CTNND2: variants seen among roughly 807,000 people sequenced by gnomAD.
CTNND2 encodes the protein catenin delta 2, also known as catenin delta-2.
In CTNND2, 22 loss-of-function variants were observed where a neutral mutation model predicts 144.4. That is an observed-to-expected ratio of 0.15 (90% CI 0.11 to 0.22). The LOEUF (loss-of-function observed/expected upper bound fraction) is 0.22, where lower values mean the gene tolerates loss of function less well. Among genes scored for constraint, CTNND2 ranks in the 10% least tolerant of loss-of-function variants. The probability of loss-of-function intolerance (pLI) is 1.00; values close to 1 mark genes in which losing one functional copy is unlikely to be tolerated. For missense variants in CTNND2, 1,353 were observed against 1,618.8 expected, an observed-to-expected ratio of 0.84 and a Z score of 2.82; for synonymous variants, 751 against 695.6, an observed-to-expected ratio of 1.08 and a Z score of -1.25.
intron 9 of CTNND2, among the ~76,000 whole-genome samples, chr5:11,246,905 G>A (rs1743061012): frequency 6.6e-6 from 1 of 152,142 alleles, no homozygotes. Flanking sequence ...GTGAAGAGAA[G>A]TGAGTCCCGG....
At chr5:11,676,974 T>C (rs1177401991) in intron 2 of CTNND2, among the ~76,000 whole-genome samples, 1 of 152,218 alleles carries the variant, frequency 6.6e-6, no homozygotes, top group Non-Finnish European at 1.5e-5. Flanking sequence ...CAAAACTTGG[T>C]CCTCAATTAG....
At chr5:11,764,448 A>C (rs1457007160) in intron 1 of CTNND2, among the ~76,000 whole-genome samples, 1 of 152,178 alleles carries the variant, frequency 6.6e-6, no homozygotes, top group Non-Finnish European at 1.5e-5. Context: ...TGGGATCAAA[A>C]AGCAAAAAAA....
At chr5:11,257,227 T>C (rs1421528127) in intron 9 of CTNND2, among the ~76,000 whole-genome samples, 1 of 152,152 alleles carries the variant, frequency 6.6e-6, no homozygotes, top group Non-Finnish European at 1.5e-5. Context: ...AAAGAAAGAA[T>C]GGGAAAGGGT....
chr5:11,447,585 G>C (rs900654186), intron 3 of CTNND2, among the ~76,000 whole-genome samples: 2 of 152,166 alleles, frequency 1.3e-5, no homozygotes, highest in African/African-American at 4.8e-5. Flanking sequence ...CAATGTCAGA[G>C]ATGGCCCTGG....
chr5:11,128,338 C>T (rs1233239224), intron 12 of CTNND2, among the ~76,000 whole-genome samples: 1 of 152,114 alleles, frequency 6.6e-6, no homozygotes, highest in Non-Finnish European at 1.5e-5. Context: ...CCATAAGGAA[C>T]AAGGTTCTGC....
chr5:11,651,572 G>A (rs1561658842), intron 2 of CTNND2, among the ~76,000 whole-genome samples: 1 of 152,216 alleles, frequency 6.6e-6, no homozygotes, highest in Admixed American at 6.5e-5. Flanking sequence ...TGTATGCCTT[G>A]AAAAGCCATA....
intron 7 of CTNND2, among the ~76,000 whole-genome samples, chr5:11,379,913 C>T (rs1490199340): frequency 6.6e-6 from 1 of 152,182 alleles, no homozygotes; most frequent in Admixed American, 6.5e-5. Context: ...CTCACCACCC[C>T]TACCACTCTG....
At chr5:11,250,236 T>C (rs1236749284) in intron 9 of CTNND2, among the ~76,000 whole-genome samples, 2 of 152,104 alleles carry the variant, frequency 1.3e-5, no homozygotes, top group Non-Finnish European at 2.9e-5. Context: ...TGATTCTGTA[T>C]CTGTACAACT....
intron 13 of CTNND2, among the ~76,000 whole-genome samples, chr5:11,112,805 T>C (rs1468924843): frequency 6.6e-6 from 1 of 152,228 alleles, no homozygotes; most frequent in African/African-American, 2.4e-5. Context: ...TTAATCTTTC[T>C]GTACTTCTAT....
intron 9 of CTNND2, among the ~76,000 whole-genome samples, chr5:11,320,284 T>C (rs1009766035): frequency 6.6e-5 from 10 of 152,242 alleles, no homozygotes; most frequent in African/African-American, 2.4e-4. Flanking sequence ...TAAACATTAA[T>C]ATATTTCACT....
At chr5:11,691,088 A>G (rs1784886657) in intron 2 of CTNND2, among the ~76,000 whole-genome samples, 1 of 151,674 alleles carries the variant, frequency 6.6e-6, no homozygotes, top group Admixed American at 6.6e-5. Context: ...AAAAGAAATA[A>G]TGGCCGGGCG....
intron 9 of CTNND2, among the ~76,000 whole-genome samples, chr5:11,245,785 G>T (rs1742940169): frequency 6.6e-6 from 1 of 152,188 alleles, no homozygotes; most frequent in Non-Finnish European, 1.5e-5. Flanking sequence ...GCCCTTTTAA[G>T]CCTGGAAAGA....
intron 8 of CTNND2, among the ~76,000 whole-genome samples, chr5:11,354,551 A>T (rs192060198): frequency 6.6e-6 from 1 of 152,202 alleles, no homozygotes; most frequent in Non-Finnish European, 1.5e-5. Context: ...TTGTCTATAC[A>T]CTTGCAACAT....
intron 3 of CTNND2, among the ~76,000 whole-genome samples, chr5:11,442,448 C>T (rs1279542510): frequency 1.3e-5 from 2 of 152,126 alleles, no homozygotes; most frequent in Non-Finnish European, 2.9e-5. Context: ...ATAAAATTAA[C>T]TGTGTTAATG....
At chr5:10,997,753 G>A (rs896205581) in intron 18 of CTNND2, among the ~76,000 whole-genome samples, 1 of 152,112 alleles carries the variant, frequency 6.6e-6, no homozygotes, top group Non-Finnish European at 1.5e-5. Context: ...CGGGACAGTC[G>A]TTTAGTCAAA....
At position 11,519,968 on chromosome 5, in the gene CTNND2, A is replaced by G. The variant is rs573103691; in HGVS notation, c.287+44976T>C. 2.7e-5 allele frequency among the ~76,000 whole-genome samples: 4 copies of G among 148,764 alleles called. No individual in the cohort carries two copies. The East Asian group carries it at 7.9e-4, about 29-fold the overall frequency. ...AGCCTGGCCAACATGGTGAAACCCC[A>G]TTTCTACTAAAAATAGAATAAAAAA... On this transcript the variant is annotated intron_variant, in intron 3 of 21. Coordinates refer to ENST00000304623, the MANE Select transcript of CTNND2 (RefSeq NM_001332.4).
Position 11,722,379 on chromosome 5 carries a change from C to T in CTNND2, c.174+9757G>A, listed in dbSNP as rs187824069. On this transcript the variant is annotated intron_variant, in intron 2 of 21. Transcript: ENST00000304623. ...GGTTACACAGTTGCAGGTAAGTATG[C>T]TTTTTGTCTCTCTTGGAACCATCTA... Among the ~76,000 whole-genome samples the T allele has an allele frequency of 3.0e-3, 462 of 152,028 alleles. 2 individuals are homozygous for T. Among genetic ancestry groups the T allele is most frequent in the Admixed American group, 6.1e-3 (94 of 15,286 alleles).
chr5:11,306,894 G>C (rs145341239), intron 9 of CTNND2, among the ~76,000 whole-genome samples: 2 of 152,154 alleles, frequency 1.3e-5, no homozygotes, highest in Non-Finnish European at 1.5e-5. Context: ...ACAGAGGACT[G>C]ACACCTCTGC....
intron 9 of CTNND2, among the ~76,000 whole-genome samples, chr5:11,262,435 T>C (rs567872176): frequency 6.6e-6 from 1 of 152,214 alleles, no homozygotes; most frequent in Admixed American, 6.5e-5. Flanking sequence ...GCCCAGTTCA[T>C]GAATCATTAA....
Sources: gnomAD v4.1 joint callset for allele counts (sites outside exome capture counted in the v4.1 genomes callset) on GRCh38, gnomAD v4.1.1 for gene constraint, MANE v1.5 for transcripts, NCBI Gene and HGNC (gene_info 2026-07-23, HGNC 2026-07-21) for gene names.